Variants in ADCY5 observed in about 807,000 individuals in gnomAD.
The protein encoded by ADCY5 is adenylate cyclase type 5.
In ADCY5, 30 loss-of-function variants were observed where a neutral mutation model predicts 119.7. That is an observed-to-expected ratio of 0.25 (90% confidence interval 0.19 to 0.34). The LOEUF is 0.34. ADCY5 is among the 10% of genes least tolerant of loss of function. ADCY5 has a pLI of 1.00. For synonymous variants in ADCY5, 753 were observed against 762.2 expected (o/e 0.99, Z 0.20); for missense variants, 1,324 against 1,775.2 (o/e 0.75, Z 4.57).
chr3:123,291,329 C>A lies in ADCY5; in HGVS notation c.3111G>T (p.Arg1037=). The A allele has an allele frequency of 6.2e-7, 1 of 1,613,930 alleles. No individual in the cohort carries two copies. The highest frequency in any genetic ancestry group is 1.3e-5 in the African/African-American group (1 of 75,054). Residue 1037 remains arginine, a synonymous_variant, in exon 18 of 21, where the codon CGG becomes CGT. Coordinates refer to ENST00000462833, the MANE Select transcript of ADCY5 (RefSeq NM_183357.3). ...EEMEELQAYN[R]RLLHNILPKD... is the part of the protein sequence containing the mutation. ...TGGGCAGGATGTTGTGCAGCAGCCGCCGGTTGTAGGCCTGCAGCTCCTCCA... is the reference window on the plus strand; with the variant it reads ...TGGGCAGGATGTTGTGCAGCAGCCGACGGTTGTAGGCCTGCAGCTCCTCCA...
Position 123,352,686 on chromosome 3 carries a change from C to A in ADCY5, c.1135-105G>T. 2.2e-6 allele frequency: 3 copies of A among 1,349,616 alleles called. No individual in the cohort carries two copies. In the African/African-American group the frequency reaches 4.4e-5, roughly 20 times the overall value. The allele number at this position is 1,349,616 out of a possible 1,614,324, so 83.6% of individuals were successfully genotyped here. On this transcript the variant is annotated intron_variant, in intron 1 of 20. Transcript: ENST00000462833. This position sits in a 1 kb window ranked among gnomAD's most constrained non-coding sequence, Gnocchi z 4.8. ...TCAGCAAACTCACACCTGGCGCTAG[C>A]AAACAAATGCTGAGGGCACCCCACA...
intron 1 of ADCY5, among the ~76,000 whole-genome samples, chr3:123,397,681 T>C (rs908648967): frequency 6.6e-6 from 1 of 152,228 alleles, no homozygotes; most frequent in Non-Finnish European, 1.5e-5. Flanking sequence ...GTGTCTGGTT[T>C]AAATCCCTTC....
At chr3:123,317,805 G>A (rs1325617966) in intron 11 of ADCY5, among the ~76,000 whole-genome samples, 1 of 151,032 alleles carries the variant, frequency 6.6e-6, no homozygotes, top group Non-Finnish European at 1.5e-5. Flanking sequence ...CCTAGTGAGA[G>A]TTGCCCACCC....
In ADCY5 at chr3:123,284,615, A is replaced by G; in HGVS notation, c.3779T>C (p.Leu1260Pro). 1.2e-6 allele frequency: 2 copies of G among 1,614,192 alleles called. No individual in the cohort carries two copies. Among genetic ancestry groups the G allele is most frequent in the Non-Finnish European group, 1.7e-6 (2 of 1,180,030 alleles). The change falls in exon 21 of 21, where the codon CTC becomes CCC. Residue 1260 changes from leucine to proline, a missense_variant. Leu to Pro is a moderately conservative substitution (Grantham distance 98). Coordinates refer to ENST00000462833, the MANE Select transcript of ADCY5 (RefSeq NM_183357.3). Reference protein sequence around the residue: ...MTYFLNGGPPLS With the variant: ...MTYFLNGGPPPS ...ACCATTGGCCAACAGCTGCTAACTG[A>G]GCGGGGGCCCTCCATTGAGGAAGTA...
At chr3:123,358,188 G>GTA (rs1559834450) in intron 1 of ADCY5, among the ~76,000 whole-genome samples, 7 of 146,906 alleles carry the variant, frequency 4.8e-5, no homozygotes, top group African/African-American at 1.9e-4. Context: ...GTGTGTGTGT[G>GTA]TGTGTGTAGG....
intron 3 of ADCY5, among the ~76,000 whole-genome samples, chr3:123,345,505 A>G (rs1224742301): frequency 2.0e-5 from 3 of 152,218 alleles, no homozygotes; most frequent in Non-Finnish European, 4.4e-5. Flanking sequence ...GTGAGGTGGT[A>G]AAGACAGGAC....
At chr3:123,426,487 C>A (rs1264202298) in intron 1 of ADCY5, among the ~76,000 whole-genome samples, 1 of 151,850 alleles carries the variant, frequency 6.6e-6, no homozygotes, top group African/African-American at 2.4e-5. Flanking sequence ...CCAAGCCAGG[C>A]TAATTTTTTT....
At chr3:123,433,679 A>G (rs9289219) in intron 1 of ADCY5, among the ~76,000 whole-genome samples, 145,579 of 152,090 alleles carry the variant, frequency 0.96, 69,992 homozygotes, top group East Asian at 1. Flanking sequence ...TCTACTGAAT[A>G]CTACTCAACA....
chr3:123,315,285 A>G (rs1448928526), intron 11 of ADCY5, among the ~76,000 whole-genome samples: 1 of 152,242 alleles, frequency 6.6e-6, no homozygotes, highest in African/African-American at 2.4e-5. Context: ...CCCGGCACTT[A>G]GCTGCCTTCA....
chr3:123,346,649 ATG>A (rs145736317), intron 3 of ADCY5, among the ~76,000 whole-genome samples: 7,757 of 94,540 alleles, frequency 0.082, 653 homozygotes, highest in African/African-American at 0.22. Context: ...CTCTGTGTGT[ATG>A]TGTGTGTGTG....
chr3:123,319,598 C>A, intron 10 of ADCY5, 76 bp downstream of exon 10: 7 of 1,562,094 alleles, frequency 4.5e-6, no homozygotes, highest in Non-Finnish European at 5.2e-6. Context: ...CATGAGGGAG[C>A]CCTCCTGTTT....
At chr3:123,331,279 A>T (rs944511292) in intron 4 of ADCY5, among the ~76,000 whole-genome samples, 2 of 152,162 alleles carry the variant, frequency 1.3e-5, no homozygotes, top group African/African-American at 4.8e-5. Context: ...CTCACTTTTA[A>T]AGATCCACTC....
At chr3:123,425,004 A>T (rs771912495) in intron 1 of ADCY5, among the ~76,000 whole-genome samples, 1 of 152,126 alleles carries the variant, frequency 6.6e-6, no homozygotes, top group African/African-American at 2.4e-5. Flanking sequence ...GTCTGTTGTG[A>T]CTTCTGGCGC....
chr3:123,388,324 G>A (rs1005944026), intron 1 of ADCY5, among the ~76,000 whole-genome samples: 2 of 152,206 alleles, frequency 1.3e-5, no homozygotes, highest in Non-Finnish European at 2.9e-5. Context: ...CCAACTGAAA[G>A]TGGGAGGCGA....
At position 123,291,272 on chromosome 3, in the gene ADCY5, C is replaced by T. The variant is rs1007177030; in HGVS notation, c.3168G>A (p.Glu1056=). 1 of 1,614,020 alleles carries T rather than the reference C, an allele frequency of 6.2e-7. No homozygotes were observed. The highest frequency in any genetic ancestry group is 1.3e-5 in the African/African-American group (1 of 75,058). Residue 1056 remains glutamate, a synonymous_variant, in exon 18 of 21, where the codon GAG becomes GAA. Transcript: ENST00000462833. ...GATAGTAGAGCTCATCATTGCGCCG[C>T]TCGCGGGCCAGGAAGTGAGCGGCCA... ...KDVAAHFLAR[E]RRNDELYYQS...
At chr3:123,302,501 T>TC (rs1174027520) in intron 14 of ADCY5, among the ~76,000 whole-genome samples, 1 of 152,036 alleles carries the variant, frequency 6.6e-6, no homozygotes, top group African/African-American at 2.4e-5. Context: ...GTTCCTTTGC[T>TC]CCCCTCCCTC....
At chr3:123,395,740 G>C (rs531272267) in intron 1 of ADCY5, among the ~76,000 whole-genome samples, 2 of 151,466 alleles carry the variant, frequency 1.3e-5, no homozygotes, top group Non-Finnish European at 2.9e-5. Flanking sequence ...TTTAATTGCC[G>C]GGTGTGGTGG....
At chr3:123,406,354 G>A (rs1392549859) in intron 1 of ADCY5, among the ~76,000 whole-genome samples, 3 of 152,112 alleles carry the variant, frequency 2.0e-5, no homozygotes, top group Non-Finnish European at 2.9e-5. Context: ...TGTGGCCCCC[G>A]CATGGCATGG....
At chr3:123,407,319 G>A (rs1353730986) in intron 1 of ADCY5, among the ~76,000 whole-genome samples, 2 of 152,164 alleles carry the variant, frequency 1.3e-5, no homozygotes, top group African/African-American at 4.8e-5. Flanking sequence ...ACCAGCAGTA[G>A]CACTTGGATT....
Sources: gnomAD v4.1 joint callset for allele counts (sites outside exome capture counted in the v4.1 genomes callset) on GRCh38, gnomAD v4.1.1 for gene constraint, Gnocchi (gnomAD v3.1) non-coding constraint, MANE v1.5 for transcripts, NCBI Gene and HGNC (gene_info 2026-07-23, HGNC 2026-07-21) for gene names.